TAF3: variants seen among roughly 807,000 people sequenced by gnomAD.
The protein encoded by TAF3 is TATA-box binding protein associated factor 3.
Under a neutral mutation model 80.6 loss-of-function variants are expected in TAF3, and 7 were observed. That is an observed-to-expected ratio of 0.09 (90% confidence interval 0.05 to 0.16). The LOEUF (loss-of-function observed/expected upper bound fraction) is 0.16. Among genes scored for constraint, TAF3 ranks in the 10% least tolerant of loss-of-function variants. The probability of loss-of-function intolerance (pLI) is 1.00; values close to 1 mark genes in which losing one functional copy is unlikely to be tolerated. For missense variants in TAF3, 921 were observed against 1,140.2 expected, an observed-to-expected ratio of 0.81 and a Z score of 2.77; for synonymous variants, 444 against 446.1, an observed-to-expected ratio of 1.00 and a Z score of 0.06.
intron 2 of TAF3, among the ~76,000 whole-genome samples, chr10:7,895,051 T>C (rs1458260181): frequency 2.0e-5 from 3 of 152,168 alleles, no homozygotes; most frequent in African/African-American, 7.2e-5. Context: ...AATTTTTGTA[T>C]TTTTAGTAGA....
At chr10:7,987,821 G>T (rs1588577862) in intron 4 of TAF3, among the ~76,000 whole-genome samples, 2 of 152,078 alleles carry the variant, frequency 1.3e-5, no homozygotes, top group South Asian at 4.1e-4. Context: ...TTTCTTCTTT[G>T]GGGGAAGCTA....
At chr10:7,979,632 T>C (rs1243282779) in intron 4 of TAF3, among the ~76,000 whole-genome samples, 1 of 152,164 alleles carries the variant, frequency 6.6e-6, no homozygotes, top group African/African-American at 2.4e-5. Context: ...CCATGTTATA[T>C]GAAGGATTAA....
chr10:7,845,306 TTGTGTGTGTGCG>T (rs1836958777), intron 2 of TAF3, among the ~76,000 whole-genome samples: 4 of 151,742 alleles, frequency 2.6e-5, no homozygotes, highest in Admixed American at 2.6e-4. Flanking sequence ...CTCCAGGTCT[TTGTGTGTGTGCG>T]TGTGTGTGTG....
At chr10:7,954,215 C>G (rs1299317078) in intron 2 of TAF3, among the ~76,000 whole-genome samples, 1 of 138,120 alleles carries the variant, frequency 7.2e-6, no homozygotes, top group African/African-American at 2.6e-5. Flanking sequence ...CTAGTTAACA[C>G]AGAGCTCTTC....
intron 2 of TAF3, among the ~76,000 whole-genome samples, chr10:7,919,690 A>G (rs1315162483): frequency 6.6e-6 from 1 of 152,042 alleles, no homozygotes; most frequent in Non-Finnish European, 1.5e-5. Flanking sequence ...AATCATCTCT[A>G]GATTATTTAT....
chr10:7,915,507 G>A (rs1837702563), intron 2 of TAF3, among the ~76,000 whole-genome samples: 1 of 151,254 alleles, frequency 6.6e-6, no homozygotes, highest in Non-Finnish European at 1.5e-5. Flanking sequence ...GCCGGGCATG[G>A]TGGTGCGCGC....
intron 2 of TAF3, among the ~76,000 whole-genome samples, chr10:7,843,087 A>G (rs1836934453): frequency 1.3e-5 from 2 of 152,042 alleles, no homozygotes; most frequent in Non-Finnish European, 2.9e-5. Context: ...TGCCTTTCCC[A>G]TGGAACTGCG....
At chr10:7,949,457 G>A (rs531993020) in intron 2 of TAF3, among the ~76,000 whole-genome samples, 2 of 152,280 alleles carry the variant, frequency 1.3e-5, no homozygotes, top group East Asian at 1.9e-4. Flanking sequence ...AGCCAAGCAG[G>A]CCCCCACCTG....
At chr10:7,987,365 G>A (rs188031115) in intron 4 of TAF3, among the ~76,000 whole-genome samples, 327 of 152,154 alleles carry the variant, frequency 2.1e-3, no homozygotes, top group Admixed American at 3.5e-3. Flanking sequence ...ATACTGTTCA[G>A]CAGCTTATCC....
chr10:7,866,018 G>A (rs1283472997), intron 2 of TAF3, among the ~76,000 whole-genome samples: 1 of 152,190 alleles, frequency 6.6e-6, no homozygotes, highest in Non-Finnish European at 1.5e-5. Context: ...ATATCCTGTA[G>A]CTCTTTCCTG....
chr10:8,005,546 G>A (rs1831983326), intron 4 of TAF3, among the ~76,000 whole-genome samples: 1 of 152,210 alleles, frequency 6.6e-6, no homozygotes, highest in African/African-American at 2.4e-5. Context: ...ACTTCGGGCA[G>A]ATCCTGGGCT....
At chr10:7,913,907 T>C (rs1243247029) in intron 2 of TAF3, among the ~76,000 whole-genome samples, 2 of 152,180 alleles carry the variant, frequency 1.3e-5, no homozygotes, top group Admixed American at 6.5e-5. Flanking sequence ...GGGAAACAAC[T>C]TGATCCAGAA....
intron 2 of TAF3, among the ~76,000 whole-genome samples, chr10:7,831,275 C>T (rs1260299115): frequency 6.6e-6 from 1 of 152,042 alleles, no homozygotes; most frequent in African/African-American, 2.4e-5. Flanking sequence ...TTATCCTTAG[C>T]AGGTGACTAG....
intron 4 of TAF3, among the ~76,000 whole-genome samples, chr10:7,987,286 A>T (rs780100455): frequency 5.9e-5 from 9 of 152,156 alleles, no homozygotes; most frequent in Non-Finnish European, 1.2e-4. Context: ...ACTGCACACC[A>T]GCTTGGGCAA....
chr10:7,913,230 G>T (rs1454627534), intron 2 of TAF3, among the ~76,000 whole-genome samples: 1 of 152,144 alleles, frequency 6.6e-6, no homozygotes, highest in Non-Finnish European at 1.5e-5. Context: ...CACACAGGGG[G>T]CTAGGGATTC....
intron 2 of TAF3, among the ~76,000 whole-genome samples, chr10:7,910,505 C>T (rs1449953700): frequency 3.3e-5 from 5 of 152,090 alleles, no homozygotes; most frequent in African/African-American, 7.2e-5. Flanking sequence ...TTCAGCCTCC[C>T]GAGTAGCTGG....
At chr10:7,936,124 G>A (rs1177323299) in intron 2 of TAF3, among the ~76,000 whole-genome samples, 1 of 152,140 alleles carries the variant, frequency 6.6e-6, no homozygotes, top group Non-Finnish European at 1.5e-5. Flanking sequence ...CAAATAACAC[G>A]TGAACCCAGG....
chr10:7,853,177 A>G (rs576666896), intron 2 of TAF3, among the ~76,000 whole-genome samples: 1 of 152,224 alleles, frequency 6.6e-6, no homozygotes, highest in Non-Finnish European at 1.5e-5. Flanking sequence ...AAAATCATAT[A>G]AACTTATAAT....
chr10:7,962,911 G>C (rs1328881889), intron 2 of TAF3, among the ~76,000 whole-genome samples: 4 of 152,166 alleles, frequency 2.6e-5, no homozygotes, highest in Admixed American at 6.5e-5. Flanking sequence ...GTTAAAATGT[G>C]TTGGGAGAAA....
Sources: allele counts gnomAD v4.1 joint callset (sites outside exome capture counted in the v4.1 genomes callset), GRCh38; gene constraint gnomAD v4.1.1; transcripts MANE v1.5; gene names NCBI Gene and HGNC (gene_info 2026-07-23, HGNC 2026-07-21).